FTSJ3: variants seen among roughly 807,000 people sequenced by gnomAD.
FTSJ3 encodes the protein pre-rRNA 2'-O-ribose RNA methyltransferase FTSJ3.
In FTSJ3, 46 loss-of-function variants were observed where a neutral mutation model predicts 111.5. That is an observed-to-expected ratio of 0.41 (90% CI 0.33 to 0.53). FTSJ3 has a LOEUF of 0.53. Among genes scored for constraint, FTSJ3 ranks in the 20% least tolerant of loss-of-function variants. FTSJ3 has a pLI of 0.19. For synonymous variants in FTSJ3, 408 were observed against 383.0 expected, an observed-to-expected ratio of 1.07 and a Z score of -0.76; for missense variants, 1,075 against 1,063.8, an observed-to-expected ratio of 1.01 and a Z score of -0.15.
chr17:63,821,745 T>TG lies in FTSJ3; in HGVS notation c.1573dup (p.Gln525ProfsTer20). ...TACCTTTGAGAACCACAGGTTGGCT[T>TG]GTTCTTCCTGCAGTACTGCCTTTTC... is the stretch of plus-strand genomic sequence containing the variant. On this transcript the variant is annotated frameshift_variant, in exon 15 of 21. Coordinates refer to ENST00000427159, the MANE Select transcript of FTSJ3 (RefSeq NM_017647.4). LOFTEE classifies it high-confidence loss of function. The TG allele has an allele frequency of 1.9e-6, 3 of 1,614,164 alleles. No individual in the cohort carries two copies. Among genetic ancestry groups the TG allele is most frequent in the Non-Finnish European group, 2.5e-6 (3 of 1,180,020 alleles).
Position 63,822,745 on chromosome 17 carries a change from G to A in FTSJ3, c.1291-577C>T, listed in dbSNP as rs532808978. ...TTTGAGGCTGCAGTGAGTCATGATG[G>A]CACCACTGAACTCCAGCCTGGGTGA... On this transcript the variant is annotated intron_variant, in intron 13 of 20. Coordinates refer to ENST00000427159, the MANE Select transcript of FTSJ3 (RefSeq NM_017647.4). 2.6e-5 allele frequency among the ~76,000 whole-genome samples: 4 copies of A among 152,226 alleles called. No individual in the cohort carries two copies. In the East Asian group the frequency reaches 7.7e-4, roughly 29 times the overall value.
At chr17:63,823,323 C>T (rs1212105816) in intron 13 of FTSJ3, among the ~76,000 whole-genome samples, 13 of 152,266 alleles carry the variant, frequency 8.5e-5, no homozygotes, top group East Asian at 1.9e-4. Flanking sequence ...CAGCCGGGCG[C>T]GGTGGCTCAC....
chr17:63,822,217 G>T, intron 13 of FTSJ3, 49 bp from the exon 14 acceptor site: 6 of 1,481,098 alleles, frequency 4.1e-6, no homozygotes, highest in African/African-American at 1.4e-5. Flanking sequence ...GAAATATACT[G>T]TTTTTTTTTC....
chr17:63,820,220 C>G (rs368717484), intron 19 of FTSJ3, 35 bp downstream of exon 19: 2 of 1,584,850 alleles, frequency 1.3e-6, no homozygotes, highest in African/African-American at 1.4e-5. Flanking sequence ...CCCCCACCCC[C>G]ACCCCACCCA....
chr17:63,822,162 C>T lies in FTSJ3; in HGVS notation c.1297G>A (p.Glu433Lys), dbSNP rs2040058140. The change falls in exon 14 of 21, where the codon GAG becomes AAG. Residue 433 changes from glutamate to lysine, a missense_variant. This residue lies in a region of FTSJ3 where 867 missense variants were observed against 796.9 expected (regional missense o/e 1.09). Transcript: ENST00000427159. ...LSTIRGHQLLEEVTQGDMSAA... is the reference protein window; with the variant it reads ...LSTIRGHQLLKEVTQGDMSAA... The stretch of plus-strand genomic sequence containing the variant: ...CTCATATCCCCTTGTGTTACTTCCT[C>T]TAATAACTGAAGTGTAACAGAAACA... The T allele has an allele frequency of 2.5e-6, 4 of 1,613,026 alleles. No homozygotes were observed. The highest frequency in any genetic ancestry group is 1.6e-4 in the Middle Eastern group (1 of 6,080).
chr17:63,826,394 G>T, intron 3 of FTSJ3, 90 bp from the exon 4 acceptor site: 2 of 1,311,300 alleles, frequency 1.5e-6, no homozygotes, highest in Non-Finnish European at 2.2e-6. Flanking sequence ...ACGTGTACTG[G>T]CCAAAGCATA....
Position 63,824,891 on chromosome 17 carries a change from G to A in FTSJ3, c.750C>T (p.His250=). 1.3e-6 allele frequency: 2 copies of A among 1,593,560 alleles called. No homozygotes were observed. Among genetic ancestry groups the A allele is most frequent in the Non-Finnish European group, 1.7e-6 (2 of 1,169,190 alleles). ...GGAGGAAGTCAGTGACTGAGGTACG[G>A]TGATAGAGAGTGAGGTCACCCTCAG... ...GYAEGDLTLY[H]RTSVTDFLRA... is the part of the protein sequence containing the mutation. The change falls in exon 9 of 21, where the codon CAC becomes CAT. Residue 250 remains histidine (H), a synonymous_variant. Coordinates refer to ENST00000427159, the MANE Select transcript of FTSJ3 (RefSeq NM_017647.4).
At position 63,822,187 on chromosome 17, in the gene FTSJ3, A is replaced by G. The variant is rs1469794030; in HGVS notation, c.1291-19T>C. 6.2e-7 allele frequency: 1 copy of G among 1,607,648 alleles called. No individual in the cohort carries two copies. The highest frequency in any genetic ancestry group is 1.3e-5 in the African/African-American group (1 of 74,770). ...CTAATAACTGAAGTGTAACAGAAAC[A>G]AAGGTAAACTATTTAAAAGGAAATA... On this transcript the variant is annotated intron_variant, in intron 13 of 20. Coordinates refer to ENST00000427159, the MANE Select transcript of FTSJ3 (RefSeq NM_017647.4).
chr17:63,824,218 A>C lies in FTSJ3; in HGVS notation c.1020T>G (p.Asp340Glu). Reference sequence around the variant, plus strand: ...CTGTTGAGTCCTCCTCATCACCTTCATCTTCCTCTCCAGAGCTGAGGCTGG... The same window carrying C: ...CTGTTGAGTCCTCCTCATCACCTTCCTCTTCCTCTCCAGAGCTGAGGCTGG... ...LDISLSSGEE[D>E]EGDEEDSTAG... Residue 340 changes from aspartate to glutamate, a missense_variant, in exon 12 of 21, where the codon GAT becomes GAG. By Grantham distance (45) the Asp-to-Glu change is conservative. This residue lies in a region of FTSJ3 where 867 missense variants were observed against 796.9 expected (regional missense o/e 1.09). Coordinates refer to ENST00000427159, the MANE Select transcript of FTSJ3 (RefSeq NM_017647.4). 1 of 1,613,710 alleles carries C rather than the reference A, an allele frequency of 6.2e-7. No homozygotes were observed. Among genetic ancestry groups the C allele is most frequent in the African/African-American group, 1.3e-5 (1 of 74,830 alleles).
At position 63,824,065 on chromosome 17, in the gene FTSJ3, C is replaced by G. The variant is rs749055704; in HGVS notation, c.1154+19G>C. The G allele has an allele frequency of 1.6e-5, 26 of 1,614,014 alleles. No homozygotes were observed. The highest frequency in any genetic ancestry group is 2.2e-5 in the Non-Finnish European group (26 of 1,179,972). The stretch of plus-strand genomic sequence containing the variant: ...TCCCTGCGTTGGGGAACTCCAAGCT[C>G]TACCCCAGCTCCTTTCACCTCTTCA... On this transcript the variant is annotated intron_variant, in intron 12 of 20. Coordinates refer to ENST00000427159, the MANE Select transcript of FTSJ3 (RefSeq NM_017647.4).
At chr17:63,825,461 AC>A (rs775408145) in intron 6 of FTSJ3, 25 bp from the exon 7 acceptor site, 1 of 1,613,588 alleles carries the variant, frequency 6.2e-7, no homozygotes, top group East Asian at 2.2e-5. Flanking sequence ...CAATTAGTTG[AC>A]GCACTCTGCA....
intron 13 of FTSJ3, among the ~76,000 whole-genome samples, chr17:63,822,655 T>C (rs2040062157): frequency 6.6e-6 from 1 of 152,206 alleles, no homozygotes; most frequent in Non-Finnish European, 1.5e-5. Context: ...CTGGGTATGG[T>C]GGCTCACACC....
chr17:63,821,262 CA>C (rs1438486673), intron 16 of FTSJ3, 91 bp downstream of exon 16: 3 of 1,493,162 alleles, frequency 2.0e-6, no homozygotes, highest in Non-Finnish European at 2.8e-6. Context: ...TAACCCTCCC[CA>C]TGTGCAGCCA....
Position 63,820,163 on chromosome 17 carries a change from C to T in FTSJ3, c.2267G>A (p.Arg756Lys), listed in dbSNP as rs1268001769. Residue 756 changes from arginine to lysine, a missense_variant, in exon 20 of 21, where the codon AGG (arginine) becomes AAG (lysine). Physicochemically the swap from Arg to Lys is conservative, Grantham distance 26. Coordinates refer to ENST00000427159, the MANE Select transcript of FTSJ3 (RefSeq NM_017647.4). ...KARKKRRMLK[R>K]LEQTRKKAEA... ...TGCCTTCTTCCTGGTCTGCTCCAGC[C>T]TCTTCAGCATCTGCAAAGGAACCTG... 1.2e-6 allele frequency: 2 copies of T among 1,614,172 alleles called. No homozygotes were observed. The highest frequency in any genetic ancestry group is 1.7e-5 in the Admixed American group (1 of 60,022).
chr17:63,826,756 G>A, intron 2 of FTSJ3, 80 bp downstream of exon 2: 2 of 1,550,758 alleles, frequency 1.3e-6, no homozygotes, highest in African/African-American at 1.4e-5. Flanking sequence ...CTGCAGGAGA[G>A]GTACATAATG....
In FTSJ3 at chr17:63,821,510, C is replaced by T. The variant is rs780046157; in HGVS notation, c.1730G>A (p.Cys577Tyr). ...GGGAGACATTATCTCAGTCTTCAAA[C>T]AGGAAGGGGGTGTCTGTGGCAGCTG... ...KQQLPQTPPS[C>Y]LKTEIMSPLY... The change falls in exon 16 of 21, where the codon TGT becomes TAT. Residue 577 changes from cysteine (C) to tyrosine (Y), a missense_variant. Physicochemically the swap from Cys to Tyr is radical, Grantham distance 194. Coordinates refer to ENST00000427159, the MANE Select transcript of FTSJ3 (RefSeq NM_017647.4). 6.2e-7 allele frequency: 1 copy of T among 1,614,120 alleles called. No homozygotes were observed. Among genetic ancestry groups the T allele is most frequent in the East Asian group, 2.2e-5 (1 of 44,884 alleles).
At position 63,820,892 on chromosome 17, in the gene FTSJ3, A is replaced by T; in HGVS notation, c.2019T>A (p.Val673=). ...LDPEGLALGA[V]IASSKKAKRD... is the part of the protein sequence containing the mutation. ...TCTTGGCCTTTTTGGAAGAGGCAAT[A>T]ACAGCACCTAGAGCAAGGCCTTCGG... The change falls in exon 18 of 21, where the codon GTT becomes GTA. Residue 673 remains valine, a synonymous_variant. Coordinates refer to ENST00000427159, the MANE Select transcript of FTSJ3 (RefSeq NM_017647.4). The T allele has an allele frequency of 1.2e-6, 2 of 1,614,206 alleles. No individual in the cohort carries two copies. Among genetic ancestry groups the T allele is most frequent in the Non-Finnish European group, 1.7e-6 (2 of 1,180,028 alleles).
Position 63,821,636 on chromosome 17 carries a change from A to G in FTSJ3, c.1604T>C (p.Phe535Ser). The G allele has an allele frequency of 6.2e-7, 1 of 1,613,468 alleles. No homozygotes were observed. The highest frequency in any genetic ancestry group is 8.5e-7 in the Non-Finnish European group (1 of 1,179,432). Residue 535 changes from phenylalanine to serine, a missense_variant, in exon 16 of 21, where the codon TTT (phenylalanine) becomes TCT (serine). This residue lies in a region of FTSJ3 where 867 missense variants were observed against 796.9 expected (regional missense o/e 1.09). Transcript: ENST00000427159. ...ATCGGCATCGTCCTCGATCCCAGCA[A>G]AGCTGCCCTGTGATAGGAGAACATC... The part of the protein sequence containing the change: ...QANLWFSKGS[F>S]AGIEDDADEA...
chr17:63,825,679 G>T, intron 5 of FTSJ3, 44 bp from the exon 6 acceptor site: 1 of 1,544,368 alleles, frequency 6.5e-7, no homozygotes, highest in Non-Finnish European at 8.9e-7. Flanking sequence ...ACACTGGAAT[G>T]GCCCTGGTTC....
Sources: gnomAD v4.1 joint callset for allele counts (sites outside exome capture counted in the v4.1 genomes callset) on GRCh38, gnomAD v4.1.1 for gene constraint, gnomAD v4.1.1 regional missense constraint, MANE v1.5 for transcripts, NCBI Gene and HGNC (gene_info 2026-07-23, HGNC 2026-07-21) for gene names.